Variants in ADARB2 observed in about 807,000 individuals in gnomAD.
The protein encoded by ADARB2 is adenosine deaminase RNA specific B2 (inactive).
A neutral mutation model predicts 62.2 loss-of-function variants in ADARB2; 25 were observed. That is an observed-to-expected ratio of 0.40 (90% CI 0.29 to 0.56). The LOEUF is 0.56. Among genes scored for constraint, ADARB2 ranks in the 20% least tolerant of loss-of-function variants. ADARB2 has a pLI of 0.43. For missense variants in ADARB2, 1,071 were observed against 1,077.4 expected, an observed-to-expected ratio of 0.99 and a Z score of 0.08; for synonymous variants, 572 against 500.8, an observed-to-expected ratio of 1.14 and a Z score of -1.90.
Position 1,591,848 on chromosome 10 carries a change from G to A in ADARB2, c.100+145203C>T, listed in dbSNP as rs139475898. ...TATTATTCAGCAATCTCTGTGTAGC[G>A]CTGGTATCTTGTAAGTGATAAATTA... On this transcript the variant is annotated intron_variant, in intron 1 of 9. Coordinates refer to ENST00000381312, the MANE Select transcript of ADARB2 (RefSeq NM_018702.4). Among the ~76,000 whole-genome samples the A allele has an allele frequency of 4.4e-3, 669 of 152,298 alleles. 1 individual carries two copies. Among genetic ancestry groups the A allele is most frequent in the African/African-American group, 0.015 (614 of 41,550 alleles).
chr10:1,276,332 T>C (rs1190987270), intron 3 of ADARB2, among the ~76,000 whole-genome samples: 1 of 152,228 alleles, frequency 6.6e-6, no homozygotes, highest in Non-Finnish European at 1.5e-5. Context: ...TTCATATCCT[T>C]CGCCCACTTT....
chr10:1,281,408 G>T (rs1382462306), intron 3 of ADARB2, among the ~76,000 whole-genome samples: 2 of 152,218 alleles, frequency 1.3e-5, no homozygotes, highest in Admixed American at 6.5e-5. Context: ...GGTGGTTTGT[G>T]GATTCAGGTA....
At chr10:1,382,453 G>C (rs552974326) in intron 1 of ADARB2, among the ~76,000 whole-genome samples, 42 of 152,348 alleles carry the variant, frequency 2.8e-4, no homozygotes, top group Non-Finnish European at 4.4e-4. Context: ...CGCATCTTTA[G>C]AGTGTTCTTA....
chr10:1,658,377 CTG>C (rs1390712880), intron 1 of ADARB2, among the ~76,000 whole-genome samples: 4 of 151,798 alleles, frequency 2.6e-5, no homozygotes, highest in Non-Finnish European at 5.9e-5. Context: ...CTCTGTCTCT[CTG>C]TGTATCTCTT....
intron 4 of ADARB2, among the ~76,000 whole-genome samples, chr10:1,264,560 C>T (rs781121492): frequency 1.6e-4 from 24 of 152,172 alleles, no homozygotes; most frequent in Non-Finnish European, 2.4e-4. Flanking sequence ...TTATTCAAGC[C>T]GAAAGCGTGG....
chr10:1,341,590 G>T (rs1832029018), intron 3 of ADARB2, among the ~76,000 whole-genome samples: 1 of 150,116 alleles, frequency 6.7e-6, no homozygotes, highest in Admixed American at 6.6e-5. Context: ...ATCCACCAGA[G>T]AACCACGCGC....
At chr10:1,413,232 A>G (rs1441833804) in intron 1 of ADARB2, among the ~76,000 whole-genome samples, 1 of 152,194 alleles carries the variant, frequency 6.6e-6, no homozygotes, top group Non-Finnish European at 1.5e-5. Flanking sequence ...CAGGGGTCCC[A>G]GTGAGAACAT....
chr10:1,444,295 A>ATCCATCCG (rs1389793181), intron 1 of ADARB2, among the ~76,000 whole-genome samples: 1 of 140,996 alleles, frequency 7.1e-6, no homozygotes, highest in African/African-American at 2.7e-5. Flanking sequence ...CCATCCATCC[A>ATCCATCCG]TCCATCCATC....
At chr10:1,556,293 G>A (rs1450995824) in intron 1 of ADARB2, among the ~76,000 whole-genome samples, 1 of 151,264 alleles carries the variant, frequency 6.6e-6, no homozygotes, top group African/African-American at 2.4e-5. Context: ...CTTTACTGGG[G>A]GACAAATCCC....
chr10:1,458,024 TTAA>T (rs1831118941), intron 1 of ADARB2, among the ~76,000 whole-genome samples: 1 of 149,690 alleles, frequency 6.7e-6, no homozygotes, highest in Non-Finnish European at 1.5e-5. Flanking sequence ...TCTTTCCCCT[TTAA>T]ATATCGAAGT....
intron 1 of ADARB2, among the ~76,000 whole-genome samples, chr10:1,498,907 A>G (rs1479336781): frequency 1.3e-5 from 2 of 151,980 alleles, no homozygotes; most frequent in Non-Finnish European, 2.9e-5. Context: ...ACACTCACTC[A>G]TCACTCAACA....
intron 1 of ADARB2, among the ~76,000 whole-genome samples, chr10:1,584,574 C>T (rs1833150562): frequency 6.6e-6 from 1 of 152,186 alleles, no homozygotes; most frequent in African/African-American, 2.4e-5. Flanking sequence ...TATGATCCAG[C>T]AATCGTGCTT....
intron 1 of ADARB2, among the ~76,000 whole-genome samples, chr10:1,664,850 C>T (rs1564362048): frequency 6.6e-6 from 1 of 152,252 alleles, no homozygotes; most frequent in Non-Finnish European, 1.5e-5. Context: ...CTCCTCAAGA[C>T]TGCCAGAGTT....
At chr10:1,616,205 A>G (rs1833630471) in intron 1 of ADARB2, among the ~76,000 whole-genome samples, 1 of 152,190 alleles carries the variant, frequency 6.6e-6, no homozygotes, top group African/African-American at 2.4e-5. Context: ...TTGCATTTCT[A>G]TAGAGGGTCC....
chr10:1,671,748 G>C (rs1834387490), intron 1 of ADARB2, among the ~76,000 whole-genome samples: 1 of 152,046 alleles, frequency 6.6e-6, no homozygotes, highest in Non-Finnish European at 1.5e-5. Flanking sequence ...CCTGCAATAA[G>C]AGACGCTCCA....
chr10:1,725,643 G>A (rs1835154256), intron 1 of ADARB2, among the ~76,000 whole-genome samples: 1 of 152,234 alleles, frequency 6.6e-6, no homozygotes, highest in African/African-American at 2.4e-5. Context: ...ACCCGAGAGA[G>A]CAGGGAGCAA....
intron 1 of ADARB2, among the ~76,000 whole-genome samples, chr10:1,514,091 C>G (rs1459373669): frequency 1.3e-5 from 2 of 148,164 alleles, no homozygotes; most frequent in South Asian, 4.3e-4. Flanking sequence ...CCAGGCAAAT[C>G]GCTTGAGCCT....
chr10:1,417,109 C>T (rs1588250979), intron 1 of ADARB2, among the ~76,000 whole-genome samples: 1 of 151,848 alleles, frequency 6.6e-6, no homozygotes, highest in African/African-American at 2.4e-5. Context: ...GACCAGATGG[C>T]CAGGAAGTGT....
intron 1 of ADARB2, among the ~76,000 whole-genome samples, chr10:1,386,925 G>T (rs977843905): frequency 2.0e-5 from 3 of 151,652 alleles, no homozygotes; most frequent in Admixed American, 1.3e-4. Flanking sequence ...ATATTTTCTG[G>T]CCACAATATA....
Sources: allele counts gnomAD v4.1 joint callset (sites outside exome capture counted in the v4.1 genomes callset), GRCh38; gene constraint gnomAD v4.1.1; transcripts MANE v1.5; gene names NCBI Gene and HGNC (gene_info 2026-07-23, HGNC 2026-07-21).